PPP1R2: variants seen among roughly 807,000 people sequenced by gnomAD.
The protein encoded by PPP1R2 is protein phosphatase inhibitor 2.
Under a neutral mutation model 29.9 loss-of-function variants are expected in PPP1R2, and 16 were observed. The observed-to-expected ratio is 0.53, with a 90% CI of 0.36 to 0.81. The LOEUF is 0.81. PPP1R2 is among the 30% of genes least tolerant of loss of function. The pLI is 0.00. For synonymous variants in PPP1R2, 76 were observed against 91.5 expected, an observed-to-expected ratio of 0.83 and a Z score of 0.96; for missense variants, 197 against 252.7, an observed-to-expected ratio of 0.78 and a Z score of 1.49.
chr3:195,524,909 G>A lies in PPP1R2; in HGVS notation c.231-13C>T, dbSNP rs893332079. ...ATCCCCCATCATACTAGTATGACAAGCACATTGTAATTAATACCTGAAACA... is the reference window on the plus strand; with the variant it reads ...ATCCCCCATCATACTAGTATGACAAACACATTGTAATTAATACCTGAAACA... On this transcript the variant is annotated splice_polypyrimidine_tract_variant and intron_variant, in intron 2 of 5. Transcript: ENST00000618156. The A allele has an allele frequency of 6.2e-7, 1 of 1,610,626 alleles. No individual in the cohort carries two copies. Among genetic ancestry groups the A allele is most frequent in the Non-Finnish European group, 8.5e-7 (1 of 1,177,164 alleles).
At chr3:195,528,391 T>C (rs1719054606) in intron 2 of PPP1R2, among the ~76,000 whole-genome samples, 1 of 152,180 alleles carries the variant, frequency 6.6e-6, no homozygotes. Context: ...ATTTCATCAG[T>C]ATTGAGTTTC....
At position 195,519,183 on chromosome 3, in the gene PPP1R2, T is replaced by C; in HGVS notation, c.406A>G (p.Lys136Glu). The C allele has an allele frequency of 3.1e-6, 5 of 1,596,664 alleles. No individual in the cohort carries two copies. The highest frequency in any genetic ancestry group is 4.3e-6 in the Non-Finnish European group (5 of 1,174,364). Reference sequence around the variant, plus strand: ...CTTTTCATTTCAAATTGTCGCTTTTTTTCTATAAGATGCAAAATGTAAACT... The same window carrying C: ...CTTTTCATTTCAAATTGTCGCTTTTCTTCTATAAGATGCAAAATGTAAACT... ...DSDLSPEERE[K>E]KRQFEMKRKL... The change falls in exon 5 of 6, where the codon AAA (lysine) becomes GAA (glutamate). Residue 136 changes from lysine to glutamate, a missense_variant and splice_region_variant. Physicochemically the swap from Lys to Glu is moderately conservative, Grantham distance 56. This residue lies in a region of PPP1R2 where 135 missense variants were observed against 163.0 expected (regional missense o/e 0.83). Transcript: ENST00000618156.
chr3:195,532,790 T>TA (rs940061990), intron 1 of PPP1R2, among the ~76,000 whole-genome samples: 7 of 152,138 alleles, frequency 4.6e-5, no homozygotes, highest in Non-Finnish European at 1.5e-5. Context: ...CAGAAATATT[T>TA]AAAAAAACCT....
chr3:195,526,239 G>A (rs1718967381), intron 2 of PPP1R2, among the ~76,000 whole-genome samples: 1 of 151,958 alleles, frequency 6.6e-6, no homozygotes, highest in Admixed American at 6.6e-5. Context: ...GGGACTACAG[G>A]CATGTGCTAC....
At chr3:195,521,691 C>T (rs1485199597) in intron 4 of PPP1R2, among the ~76,000 whole-genome samples, 3 of 152,100 alleles carry the variant, frequency 2.0e-5, no homozygotes, top group African/African-American at 2.4e-5. Context: ...CACTCTGTCA[C>T]CCAGCCTGGA....
At chr3:195,533,805 T>C (rs772142554) in intron 1 of PPP1R2, among the ~76,000 whole-genome samples, 44 of 152,226 alleles carry the variant, frequency 2.9e-4, no homozygotes, top group Non-Finnish European at 5.4e-4. Flanking sequence ...TACAAGACTA[T>C]AGACTCTAAT....
chr3:195,527,080 G>A (rs117580811), intron 2 of PPP1R2, among the ~76,000 whole-genome samples: 8,304 of 151,814 alleles, frequency 0.055, 306 homozygotes, highest in South Asian at 0.17. Flanking sequence ...GCTGTGCTTA[G>A]TCTAATTTGT....
intron 1 of PPP1R2, among the ~76,000 whole-genome samples, chr3:195,537,470 AG>A (rs1719434070): frequency 1.8e-5 from 1 of 55,084 alleles, no homozygotes; most frequent in African/African-American, 7.2e-5. Context: ...AACCATTGCT[AG>A]GATTAGCTAT....
chr3:195,537,047 T>G (rs1357219507), intron 1 of PPP1R2, among the ~76,000 whole-genome samples: 1 of 151,988 alleles, frequency 6.6e-6, no homozygotes, highest in East Asian at 1.9e-4. Flanking sequence ...ATTCATAATT[T>G]TGATTTCAGC....
At chr3:195,542,441 A>G (rs1171050651) in intron 1 of PPP1R2, among the ~76,000 whole-genome samples, 1 of 152,230 alleles carries the variant, frequency 6.6e-6, no homozygotes, top group Non-Finnish European at 1.5e-5. Context: ...AGATGCAGAA[A>G]TACAGTGTGG....
intron 4 of PPP1R2, among the ~76,000 whole-genome samples, chr3:195,520,563 G>A (rs555316596): frequency 7.9e-5 from 12 of 152,312 alleles, no homozygotes; most frequent in Admixed American, 1.3e-4. Context: ...AGTGAGCCGC[G>A]ACTATGCCAC....
intron 5 of PPP1R2, among the ~76,000 whole-genome samples, chr3:195,518,046 G>T (rs75014571): frequency 1.3e-5 from 2 of 152,064 alleles, no homozygotes; most frequent in African/African-American, 4.8e-5. Context: ...CATCAGTTAC[G>T]CCTCCACTGA....
chr3:195,517,068 A>T (rs1718573594), intron 5 of PPP1R2, 126 bp from the exon 6 acceptor site: 1 of 713,678 alleles, frequency 1.4e-6, no homozygotes, highest in Admixed American at 2.4e-5. Flanking sequence ...GGTATATTTC[A>T]TGTAGGCTGA....
At chr3:195,533,385 C>T (rs1719258812) in intron 1 of PPP1R2, among the ~76,000 whole-genome samples, 1 of 150,048 alleles carries the variant, frequency 6.7e-6, no homozygotes, top group African/African-American at 2.4e-5. Flanking sequence ...CTAGTTGTTT[C>T]AGTGTGAGTA....
chr3:195,517,659 CAT>C (rs1293100197), intron 5 of PPP1R2, among the ~76,000 whole-genome samples: 4 of 151,900 alleles, frequency 2.6e-5, no homozygotes, highest in Admixed American at 1.3e-4. Context: ...GACAAAATGC[CAT>C]AGTTATTTTT....
intron 1 of PPP1R2, among the ~76,000 whole-genome samples, chr3:195,537,481 T>TTTTTTGTGTGTGTGTGTGTGTGTGTG (rs150119072): frequency 8.5e-4 from 109 of 128,574 alleles, no homozygotes; most frequent in South Asian, 1.5e-3. Context: ...GGATTAGCTA[T>TTTTTTGTGTGTGTGTGTGTGTGTGTG]TGTGTGTGTG....
intron 1 of PPP1R2, among the ~76,000 whole-genome samples, chr3:195,536,657 G>A (rs915628095): frequency 1.3e-5 from 2 of 151,778 alleles, no homozygotes; most frequent in Non-Finnish European, 1.5e-5. Context: ...GCTTGGTGGC[G>A]CATGCCTGTA....
chr3:195,532,781 A>C (rs999120863), intron 1 of PPP1R2, among the ~76,000 whole-genome samples: 2 of 152,198 alleles, frequency 1.3e-5, no homozygotes, highest in Non-Finnish European at 2.9e-5. Context: ...CACATAGCCC[A>C]GAAATATTTA....
At chr3:195,525,817 T>C (rs889195882) in intron 2 of PPP1R2, among the ~76,000 whole-genome samples, 9 of 152,328 alleles carry the variant, frequency 5.9e-5, no homozygotes, top group African/African-American at 1.4e-4. Flanking sequence ...ATACATTTCC[T>C]GGTTAATTAA....
Sources: gnomAD v4.1 joint callset for allele counts (sites outside exome capture counted in the v4.1 genomes callset) on GRCh38, gnomAD v4.1.1 for gene constraint, gnomAD v4.1.1 regional missense constraint, MANE v1.5 for transcripts, NCBI Gene and HGNC (gene_info 2026-07-23, HGNC 2026-07-21) for gene names.